PIEZO2: variants seen among roughly 807,000 people sequenced by gnomAD.
PIEZO2 encodes piezo type mechanosensitive ion channel component 2.
Under a neutral mutation model 337.3 loss-of-function variants are expected in PIEZO2, and 172 were observed. That is an observed-to-expected ratio of 0.51 (90% confidence interval 0.45 to 0.58). PIEZO2 has a LOEUF of 0.58. Ranked by LOEUF, PIEZO2 falls within the 20% of genes least tolerant of loss-of-function variation. PIEZO2 has a pLI of 0.00. For synonymous variants in PIEZO2, 1,251 were observed against 1,228.5 expected (o/e 1.02, Z -0.38); for missense variants, 3,028 against 3,391.3 (o/e 0.89, Z 2.66).
At chr18:10,816,520 T>A (rs1216663839) in intron 7 of PIEZO2, among the ~76,000 whole-genome samples, 1 of 152,172 alleles carries the variant, frequency 6.6e-6, no homozygotes, top group African/African-American at 2.4e-5. Flanking sequence ...TCAAAAATAA[T>A]CAGAAATGTT....
intron 2 of PIEZO2, among the ~76,000 whole-genome samples, chr18:11,013,968 G>A (rs2035993380): frequency 1.3e-5 from 2 of 152,190 alleles, no homozygotes; most frequent in African/African-American, 2.4e-5. Context: ...CTAATGAGAC[G>A]TTAGAGACCT....
chr18:10,688,142 A>G (rs1208644661), intron 49 of PIEZO2, among the ~76,000 whole-genome samples: 2 of 152,032 alleles, frequency 1.3e-5, no homozygotes, highest in African/African-American at 4.8e-5. Context: ...TTGTCCTAAT[A>G]CTATCCCTCC....
rs769547951 is a variant in PIEZO2, at chr18:10,673,431, A to T, written c.8162-558T>A. 6.6e-6 allele frequency among the ~76,000 whole-genome samples: 1 copy of T among 152,188 alleles called. No homozygotes were observed. Among genetic ancestry groups the T allele is most frequent in the Non-Finnish European group, 1.5e-5 (1 of 68,032 alleles). Reference sequence around the variant, plus strand: ...GTTGGCTTAGAGAGACCACTTCTGGATAGTATGCTCCATGGGTGCTTCACA... The same window carrying T: ...GTTGGCTTAGAGAGACCACTTCTGGTTAGTATGCTCCATGGGTGCTTCACA... On this transcript the variant is annotated intron_variant, in intron 54 of 55. Coordinates refer to ENST00000674853, the MANE Select transcript of PIEZO2 (RefSeq NM_001378183.1). This position sits in a 1 kb window ranked among gnomAD's most constrained non-coding sequence, Gnocchi z 4.8.
In PIEZO2 at chr18:11,035,167, T is replaced by G. The variant is rs938433465; in HGVS notation, c.160+30960A>C. On this transcript the variant is annotated intron_variant, in intron 2 of 55. Coordinates refer to ENST00000674853, the MANE Select transcript of PIEZO2 (RefSeq NM_001378183.1). This position sits in a 1 kb window ranked among gnomAD's most constrained non-coding sequence, Gnocchi z 4.3. Reference sequence around the variant, plus strand: ...GAGATGGTTTGGATACTGTCCTCTCTCCAATTTCTTGTTGAAATGTGATCC... The same window carrying G: ...GAGATGGTTTGGATACTGTCCTCTCGCCAATTTCTTGTTGAAATGTGATCC... Among the ~76,000 whole-genome samples the G allele has an allele frequency of 6.6e-6, 1 of 152,172 alleles. No homozygotes were observed. Among genetic ancestry groups the G allele is most frequent in the Admixed American group, 6.5e-5 (1 of 15,282 alleles).
chr18:10,869,352 G>A lies in PIEZO2; in HGVS notation c.492+1901C>T, dbSNP rs574999810. ...TATTTATGAGGATAATAATGCATGCGGGGCTTGAAATCTGGATGACGGGTT... is the reference window on the plus strand; with the variant it reads ...TATTTATGAGGATAATAATGCATGCAGGGCTTGAAATCTGGATGACGGGTT... On this transcript the variant is annotated intron_variant, in intron 5 of 55. Coordinates refer to ENST00000674853, the MANE Select transcript of PIEZO2 (RefSeq NM_001378183.1). Among the ~76,000 whole-genome samples, 39 of 152,154 alleles carry A rather than the reference G, an allele frequency of 2.6e-4. No homozygotes were observed. In the South Asian group the frequency reaches 3.7e-3, roughly 15 times the overall value.
rs757831872 is a variant in PIEZO2 at position 10,863,088 on chromosome 18, A to G, written c.493-5877T>C. ...TGTATAATGAGCCAAAAGATCTGGG[A>G]GGCAAAAGGAGCATTTTTCTGAAGT... On this transcript the variant is annotated intron_variant, in intron 5 of 55. Coordinates refer to ENST00000674853, the MANE Select transcript of PIEZO2 (RefSeq NM_001378183.1). The surrounding 1 kb of genome is among the most constrained non-coding windows in gnomAD (Gnocchi z 4.3). 6.6e-6 allele frequency among the ~76,000 whole-genome samples: 1 copy of G among 152,222 alleles called. No homozygotes were observed. The highest frequency in any genetic ancestry group is 1.5e-5 in the Non-Finnish European group (1 of 68,044).
chr18:10,888,278 C>T lies in PIEZO2; in HGVS notation c.330-16863G>A, dbSNP rs1379291122. Among the ~76,000 whole-genome samples, 1 of 152,180 alleles carries T rather than the reference C, an allele frequency of 6.6e-6. No homozygotes were observed. The highest frequency in any genetic ancestry group is 1.5e-5 in the Non-Finnish European group (1 of 68,038). On this transcript the variant is annotated intron_variant, in intron 4 of 55. Transcript: ENST00000674853. The surrounding 1 kb of genome is among the most constrained non-coding windows in gnomAD (Gnocchi z 4.1). Reference sequence around the variant, plus strand: ...TGTATTTGAAACTACAATTCTGATGCTGAAATTGCCCCTGAGTTGTGAGGG... The same window carrying T: ...TGTATTTGAAACTACAATTCTGATGTTGAAATTGCCCCTGAGTTGTGAGGG...
Position 10,724,907 on chromosome 18 carries a change from T to A in PIEZO2, c.5029+6500A>T. On this transcript the variant is annotated intron_variant, in intron 36 of 55. Transcript: ENST00000674853. This position sits in a 1 kb window ranked among gnomAD's most constrained non-coding sequence, Gnocchi z 5.8. Reference sequence around the variant, plus strand: ...ACTGGCCGGCGGGGGCGTGGCACCCTGGGACAGCCTCCACCTGGACGGCGA... The same window carrying A: ...ACTGGCCGGCGGGGGCGTGGCACCCAGGGACAGCCTCCACCTGGACGGCGA... 3 of 1,609,272 alleles carry A rather than the reference T, an allele frequency of 1.9e-6. No individual in the cohort carries two copies. Among genetic ancestry groups the A allele is most frequent in the Middle Eastern group, 2.2e-4 (1 of 4,514 alleles).
At chr18:11,107,033 T>C (rs758329252) in intron 1 of PIEZO2, among the ~76,000 whole-genome samples, 1 of 152,208 alleles carries the variant, frequency 6.6e-6, no homozygotes, top group Non-Finnish European at 1.5e-5. Flanking sequence ...ACGTCATTGG[T>C]TGACCCCCCC....
At position 10,858,336 on chromosome 18, in the gene PIEZO2, A is replaced by C. The variant is rs373668179; in HGVS notation, c.493-1125T>G. On this transcript the variant is annotated intron_variant, in intron 5 of 55. Transcript: ENST00000674853. ...GACTTCAACCCAAAAAAAAAAAAAA[A>C]AAAAAAAAAAAGAAAAGAAAAGAAG... Among the ~76,000 whole-genome samples, 622 of 137,312 alleles carry C rather than the reference A, an allele frequency of 4.5e-3. 20 individuals carry two copies. Among genetic ancestry groups the C allele is most frequent in the African/African-American group, 0.016 (544 of 34,730 alleles). The allele number at this position is 137,312 out of a possible 152,430, so 90.1% of individuals were successfully genotyped here.
At chr18:10,963,564 C>T (rs1168187240) in intron 3 of PIEZO2, among the ~76,000 whole-genome samples, 1 of 152,194 alleles carries the variant, frequency 6.6e-6, no homozygotes, top group Non-Finnish European at 1.5e-5. Context: ...CTGCATTTAT[C>T]TTCTGTTTCT....
At position 11,111,643 on chromosome 18, in the gene PIEZO2, C is replaced by T. The variant is rs1453898973; in HGVS notation, c.64+36882G>A. Among the ~76,000 whole-genome samples the T allele has an allele frequency of 1.3e-5, 2 of 152,148 alleles. No homozygotes were observed. The highest frequency in any genetic ancestry group is 3.9e-4 in the East Asian group (2 of 5,178). On this transcript the variant is annotated intron_variant, in intron 1 of 55. Transcript: ENST00000674853. The surrounding 1 kb of genome is among the most constrained non-coding windows in gnomAD (Gnocchi z 6.2). ...GTTCTTCTCCTGCCACCCCCAACTT[C>T]CTCTCTCCTGTGCTCACATGACATC...
At chr18:11,058,062 A>T (rs999632945) in intron 2 of PIEZO2, among the ~76,000 whole-genome samples, 1 of 152,168 alleles carries the variant, frequency 6.6e-6, no homozygotes, top group Non-Finnish European at 1.5e-5. Context: ...TTTATGTTAA[A>T]GACTGCCCCG....
At position 11,019,442 on chromosome 18, in the gene PIEZO2, C is replaced by T. The variant is rs146942473; in HGVS notation, c.161-39782G>A. On this transcript the variant is annotated intron_variant, in intron 2 of 55. Transcript: ENST00000674853. ...GATCACTGGAACAGGTAACTCTTTCCTCTCATCTGGGAGCTTTTGTACTTT... is the reference window on the plus strand; with the variant it reads ...GATCACTGGAACAGGTAACTCTTTCTTCTCATCTGGGAGCTTTTGTACTTT... Among the ~76,000 whole-genome samples the T allele has an allele frequency of 9.9e-4, 151 of 152,314 alleles. 2 individuals are homozygous for T. Among genetic ancestry groups the T allele is most frequent in the African/African-American group, 3.3e-3 (136 of 41,560 alleles).
intron 1 of PIEZO2, among the ~76,000 whole-genome samples, chr18:11,123,764 C>T (rs538901245): frequency 2.6e-5 from 4 of 151,492 alleles, no homozygotes; most frequent in Non-Finnish European, 2.9e-5. Flanking sequence ...GAGCTGAGAT[C>T]GCACCATTGC....
intron 1 of PIEZO2, among the ~76,000 whole-genome samples, chr18:11,120,355 T>C (rs1446346878): frequency 1.3e-5 from 2 of 152,204 alleles, no homozygotes; most frequent in African/African-American, 4.8e-5. Flanking sequence ...TTGATTTGCA[T>C]TGTTAGCTAA....
At chr18:11,055,128 G>A (rs561178704) in intron 2 of PIEZO2, among the ~76,000 whole-genome samples, 8 of 147,996 alleles carry the variant, frequency 5.4e-5, no homozygotes, top group Non-Finnish European at 8.9e-5. Context: ...GGAGAATGGC[G>A]TGAACCCGGG....
intron 7 of PIEZO2, among the ~76,000 whole-genome samples, chr18:10,835,547 C>CTT (rs58831248): frequency 0.31 from 44,717 of 146,274 alleles, 7,166 homozygotes; most frequent in East Asian, 0.61. Flanking sequence ...TAACCAAGTT[C>CTT]TTTTTTTTTT....
chr18:10,791,051 A>C, intron 14 of PIEZO2, 150 bp downstream of exon 14: 1 of 962,252 alleles, frequency 1.0e-6, no homozygotes, highest in Non-Finnish European at 1.4e-6. Context: ...CGTGTACCTC[A>C]AAAGTCACAC....
Sources: gnomAD v4.1 joint callset for allele counts (sites outside exome capture counted in the v4.1 genomes callset) on GRCh38, gnomAD v4.1.1 for gene constraint, Gnocchi (gnomAD v3.1) non-coding constraint, MANE v1.5 for transcripts, NCBI Gene and HGNC (gene_info 2026-07-23, HGNC 2026-07-21) for gene names.